Variants in DIP2C observed in about 807,000 individuals in gnomAD.
The protein encoded by DIP2C is disco-interacting protein 2 homolog C.
DIP2C carries 33 observed loss-of-function variants against 192.4 expected under a neutral mutation model. That is an observed-to-expected ratio of 0.17 (90% CI 0.13 to 0.23). DIP2C has a LOEUF of 0.23. DIP2C is among the 10% of genes least tolerant of loss of function. The pLI is 1.00. For synonymous variants in DIP2C, 979 were observed against 864.1 expected, an observed-to-expected ratio of 1.13 and a Z score of -2.33; for missense variants, 1,537 against 2,110.1, an observed-to-expected ratio of 0.73 and a Z score of 5.32.
At chr10:374,061 C>T (rs936725411) in intron 17 of DIP2C, among the ~76,000 whole-genome samples, 3 of 152,204 alleles carry the variant, frequency 2.0e-5, no homozygotes, top group Admixed American at 6.5e-5. Flanking sequence ...TTCTAAAACT[C>T]ACTCTCTTCA....
At chr10:523,321 C>T (rs548752536) in intron 1 of DIP2C, among the ~76,000 whole-genome samples, 113 of 147,922 alleles carry the variant, frequency 7.6e-4, no homozygotes, top group Non-Finnish European at 1.1e-3. Context: ...GACCCACACA[C>T]TCGTTTCTAC....
chr10:610,382 A>G (rs1853006875), intron 1 of DIP2C, among the ~76,000 whole-genome samples: 1 of 152,192 alleles, frequency 6.6e-6, no homozygotes, highest in African/African-American at 2.4e-5. Context: ...CTATTGATAA[A>G]CCAGCAGGGG....
intron 1 of DIP2C, among the ~76,000 whole-genome samples, chr10:634,823 G>C (rs1173705616): frequency 3.3e-5 from 5 of 152,032 alleles, no homozygotes; most frequent in Non-Finnish European, 7.4e-5. Context: ...AACATCTTAA[G>C]TTCTTCCGGA....
chr10:293,541 G>A (rs536758759), intron 32 of DIP2C, among the ~76,000 whole-genome samples: 1 of 152,112 alleles, frequency 6.6e-6, no homozygotes, highest in Non-Finnish European at 1.5e-5. Context: ...AAGATAGAGG[G>A]GAAATTAAAT....
chr10:363,334 TGAGCACGCGCC>T lies in DIP2C; in HGVS notation c.2478-34_2478-24del. On this transcript the variant is annotated intron_variant, in intron 20 of 36. Transcript: ENST00000280886. This position sits in a 1 kb window ranked among gnomAD's most constrained non-coding sequence, Gnocchi z 5.4. ...ATCCTGCGGGGACACAGGAGCATGG[TGAGCACGCGCC>T]GGGGACGCTCATGCAGCCCTCCCTC... 2 of 1,604,224 alleles carry T rather than the reference TGAGCACGCGCC, an allele frequency of 1.2e-6. No individual in the cohort carries two copies. The highest frequency in any genetic ancestry group is 4.5e-5 in the East Asian group (2 of 44,788).
chr10:387,668 G>A, intron 14 of DIP2C, 77 bp downstream of exon 14: 1 of 1,260,648 alleles, frequency 7.9e-7, no homozygotes, highest in Non-Finnish European at 1.2e-6. Context: ...TATGGGGAGG[G>A]GGACTCCTGT....
At chr10:482,868 T>C (rs1056085820) in intron 2 of DIP2C, among the ~76,000 whole-genome samples, 1 of 152,226 alleles carries the variant, frequency 6.6e-6, no homozygotes, top group South Asian at 2.1e-4. Flanking sequence ...AGGGATGGGT[T>C]TGAACCGCAG....
In DIP2C at chr10:636,967, G is replaced by C. The variant is rs988298031; in HGVS notation, c.85+52527C>G. Among the ~76,000 whole-genome samples the C allele has an allele frequency of 1.3e-5, 2 of 152,252 alleles. No individual in the cohort carries two copies. The highest frequency in any genetic ancestry group is 2.9e-5 in the Non-Finnish European group (2 of 68,044). ...CTGCGACCGGCACCACATGGGACTCGTGTGCACCAGCACCCACATCCCCGC... is the reference window on the plus strand; with the variant it reads ...CTGCGACCGGCACCACATGGGACTCCTGTGCACCAGCACCCACATCCCCGC... On this transcript the variant is annotated intron_variant, in intron 1 of 36. Transcript: ENST00000280886. This position sits in a 1 kb window ranked among gnomAD's most constrained non-coding sequence, Gnocchi z 4.6.
chr10:418,520 C>T (rs898515974), intron 6 of DIP2C, among the ~76,000 whole-genome samples: 5 of 152,184 alleles, frequency 3.3e-5, no homozygotes, highest in South Asian at 2.1e-4. Flanking sequence ...CACGAACAGC[C>T]GCTGTAGTCA....
At chr10:449,781 T>TAA (rs370147180) in intron 3 of DIP2C, among the ~76,000 whole-genome samples, 11,673 of 128,486 alleles carry the variant, frequency 0.091, 1,264 homozygotes, top group African/African-American at 0.28. Context: ...TAAAGTATAA[T>TAA]TAAAAAAAAA....
At chr10:668,658 C>A (rs976084113) in intron 1 of DIP2C, 7 of 152,368 alleles carry the variant, frequency 4.6e-5, no homozygotes, top group African/African-American at 1.7e-4. Context: ...CACGCTCATA[C>A]AACACATTCA....
At chr10:380,730 C>T (rs1962294497) in intron 17 of DIP2C, among the ~76,000 whole-genome samples, 1 of 152,230 alleles carries the variant, frequency 6.6e-6, no homozygotes, top group Non-Finnish European at 1.5e-5. Context: ...TCATTTTGTT[C>T]TCATGCCAAA....
intron 1 of DIP2C, among the ~76,000 whole-genome samples, chr10:488,094 A>G (rs941120145): frequency 6.6e-6 from 1 of 152,244 alleles, no homozygotes; most frequent in Non-Finnish European, 1.5e-5. Context: ...TCGAGCCCCC[A>G]GTCAATCAGC....
intron 23 of DIP2C, among the ~76,000 whole-genome samples, chr10:357,294 G>A (rs1367873312): frequency 6.6e-6 from 1 of 152,208 alleles, no homozygotes; most frequent in Non-Finnish European, 1.5e-5. Flanking sequence ...ACTGTTAGGA[G>A]GCCTGGCCCC....
chr10:683,088 C>T (rs1831189935), intron 1 of DIP2C, among the ~76,000 whole-genome samples: 2 of 152,214 alleles, frequency 1.3e-5, no homozygotes, highest in South Asian at 4.1e-4. Context: ...TACCCCGCAG[C>T]CCAAAACCGA....
At chr10:552,462 T>C (rs1848638643) in intron 1 of DIP2C, among the ~76,000 whole-genome samples, 1 of 152,216 alleles carries the variant, frequency 6.6e-6, no homozygotes, top group African/African-American at 2.4e-5. Context: ...ATACATTAAC[T>C]ATATTTAAGT....
intron 2 of DIP2C, among the ~76,000 whole-genome samples, chr10:479,510 T>C (rs1302046262): frequency 6.6e-6 from 1 of 151,930 alleles, no homozygotes; most frequent in African/African-American, 2.4e-5. Flanking sequence ...ATTTTTAATA[T>C]TTTTTAGTAG....
intron 1 of DIP2C, chr10:663,109 G>A (rs951571626): frequency 4.2e-5 from 23 of 543,056 alleles, no homozygotes; most frequent in Non-Finnish European, 6.3e-5. Flanking sequence ...GGTCTGCAGA[G>A]GGGGAGATCC....
intron 1 of DIP2C, among the ~76,000 whole-genome samples, chr10:503,762 G>C (rs574346575): frequency 2.6e-5 from 4 of 152,114 alleles, no homozygotes; most frequent in Non-Finnish European, 4.4e-5. Flanking sequence ...ATTTGTAACC[G>C]CATTTTTACA....
Sources: gnomAD v4.1 joint callset for allele counts (sites outside exome capture counted in the v4.1 genomes callset) on GRCh38, gnomAD v4.1.1 for gene constraint, Gnocchi (gnomAD v3.1) non-coding constraint, MANE v1.5 for transcripts, NCBI Gene and HGNC (gene_info 2026-07-23, HGNC 2026-07-21) for gene names.